The following ARHGAP15 variants were observed in gnomAD, a reference collection of about 807,000 sequenced individuals.
ARHGAP15 encodes rho GTPase-activating protein 15.
A neutral mutation model predicts 63.7 loss-of-function variants in ARHGAP15; 51 were observed. The ratio of observed to expected loss-of-function variants is 0.80; its 90% CI spans 0.64 to 1.01. The LOEUF (loss-of-function observed/expected upper bound fraction) is 1.01, where lower values mean the gene tolerates loss of function less well. Among genes scored for constraint, ARHGAP15 ranks in the 50% least tolerant of loss-of-function variants. The pLI, the probability that ARHGAP15 is intolerant of heterozygous loss-of-function variation, is 0.00. For synonymous variants in ARHGAP15, 191 were observed against 193.8 expected (o/e 0.99, Z 0.12); for missense variants, 560 against 564.6 (o/e 0.99, Z 0.08).
At chr2:143,495,157 T>G (rs1692762531) in intron 9 of ARHGAP15, among the ~76,000 whole-genome samples, 1 of 152,212 alleles carries the variant, frequency 6.6e-6, no homozygotes, top group Admixed American at 6.5e-5. Context: ...CTTTTTTGTT[T>G]CTTCCTTTCT....
intron 12 of ARHGAP15, among the ~76,000 whole-genome samples, chr2:143,675,771 T>C (rs1163926189): frequency 1.3e-5 from 2 of 152,138 alleles, no homozygotes; most frequent in Non-Finnish European, 2.9e-5. Context: ...TTAACATAAT[T>C]TGGAAGGGCC....
intron 1 of ARHGAP15, among the ~76,000 whole-genome samples, chr2:143,130,194 T>C (rs2104974448): frequency 6.6e-6 from 1 of 152,250 alleles, no homozygotes; most frequent in Admixed American, 6.5e-5. Context: ...TTATATAATT[T>C]TCCTTCTTTG....
At position 143,768,033 on chromosome 2, in the gene ARHGAP15, TG is replaced by T. The variant is rs1453567185; in HGVS notation, c.1293del (p.Ile432LeufsTer27). On this transcript the variant is annotated frameshift_variant, in exon 14 of 14. Transcript: ENST00000295095. LOFTEE classifies it high-confidence loss of function. ...AAGAACCTCATGTCCACGCAAAGCT[TG>T]GGGATTGTATTTGGACCTACCCTTC... is the stretch of plus-strand genomic sequence containing the variant. ...ASKNLMSTQS[L>X]GIVFGPTLLR... The T allele has an allele frequency of 6.2e-7, 1 of 1,613,676 alleles. No individual in the cohort carries two copies. Among genetic ancestry groups the T allele is most frequent in the Non-Finnish European group, 8.5e-7 (1 of 1,179,728 alleles).
At chr2:143,536,637 C>T (rs1416950003) in intron 10 of ARHGAP15, among the ~76,000 whole-genome samples, 1 of 150,874 alleles carries the variant, frequency 6.6e-6, no homozygotes, top group Admixed American at 6.7e-5. Flanking sequence ...GGTTTTTTGT[C>T]CTTGCAATAG....
intron 2 of ARHGAP15, among the ~76,000 whole-genome samples, chr2:143,167,952 G>T (rs527331984): frequency 1.3e-5 from 2 of 152,048 alleles, no homozygotes; most frequent in Non-Finnish European, 2.9e-5. Flanking sequence ...TCTATTGACT[G>T]GCTGTTCACA....
intron 6 of ARHGAP15, among the ~76,000 whole-genome samples, chr2:143,301,531 T>C (rs955843166): frequency 1.3e-5 from 2 of 151,984 alleles, no homozygotes; most frequent in African/African-American, 4.8e-5. Context: ...ATACACATAT[T>C]GCCACCATTG....
chr2:143,393,006 A>G (rs977413290), intron 6 of ARHGAP15, among the ~76,000 whole-genome samples: 1 of 152,176 alleles, frequency 6.6e-6, no homozygotes, highest in African/African-American at 2.4e-5. Flanking sequence ...GAGGAGAAGG[A>G]TGATTTTCAG....
chr2:143,705,217 TTC>T (rs1399832287), intron 13 of ARHGAP15, among the ~76,000 whole-genome samples: 2 of 152,178 alleles, frequency 1.3e-5, no homozygotes, highest in Non-Finnish European at 2.9e-5. Flanking sequence ...ACTCATCATT[TTC>T]TGTCTTATTT....
chr2:143,663,248 G>A (rs1401030216), intron 12 of ARHGAP15, among the ~76,000 whole-genome samples: 1 of 147,436 alleles, frequency 6.8e-6, no homozygotes, highest in African/African-American at 2.5e-5. Flanking sequence ...AGAAGAGAGT[G>A]GGGGCCAATA....
At position 143,398,243 on chromosome 2, in the gene ARHGAP15, A is replaced by G. The variant is rs190406919; in HGVS notation, c.475-37358A>G. On this transcript the variant is annotated intron_variant, in intron 6 of 13. Transcript: ENST00000295095. ...ATGTACCACCTCAGTTATGGGTTAAATGTCAATTGCCATAAACTCTAAGAG... is the reference window on the plus strand; with the variant it reads ...ATGTACCACCTCAGTTATGGGTTAAGTGTCAATTGCCATAAACTCTAAGAG... 2.0e-3 allele frequency among the ~76,000 whole-genome samples: 301 copies of G among 152,224 alleles called. 2 individuals are homozygous for G. The highest frequency in any genetic ancestry group is 7.1e-3 in the African/African-American group (295 of 41,572).
intron 3 of ARHGAP15, among the ~76,000 whole-genome samples, chr2:143,215,372 C>T (rs1303889882): frequency 1.3e-5 from 2 of 152,178 alleles, no homozygotes; most frequent in Admixed American, 6.5e-5. Context: ...TCCCACACAG[C>T]TGTGATTATA....
At chr2:143,536,978 A>C (rs917688903) in intron 10 of ARHGAP15, among the ~76,000 whole-genome samples, 1 of 152,130 alleles carries the variant, frequency 6.6e-6, no homozygotes, top group African/African-American at 2.4e-5. Flanking sequence ...GAACTAGTTT[A>C]CAGTCCCACC....
chr2:143,624,054 C>A, intron 11 of ARHGAP15, 79 bp from the exon 12 acceptor site: 1 of 1,526,828 alleles, frequency 6.5e-7, no homozygotes, highest in Non-Finnish European at 8.9e-7. Context: ...TGATAGTAGG[C>A]AAACATTAAC....
chr2:143,487,602 G>A, intron 9 of ARHGAP15, 107 bp downstream of exon 9: 1 of 1,282,646 alleles, frequency 7.8e-7, no homozygotes, highest in Non-Finnish European at 1.0e-6. Flanking sequence ...TTCTTCTTAG[G>A]TTGCTTATTA....
rs960668986 is a variant in ARHGAP15 at position 143,442,716 on chromosome 2, A to C, written c.703+5674A>C. On this transcript the variant is annotated intron_variant, in intron 8 of 13. Transcript: ENST00000295095. ...CCAAATATAAACATTTGATGAATCTAGGTGGTGCATAGGCAAGTGATCATG... is the reference window on the plus strand; with the variant it reads ...CCAAATATAAACATTTGATGAATCTCGGTGGTGCATAGGCAAGTGATCATG... 3.3e-5 allele frequency among the ~76,000 whole-genome samples: 5 copies of C among 152,316 alleles called. No individual in the cohort carries two copies. In the East Asian group the frequency reaches 9.6e-4, roughly 29 times the overall value.
chr2:143,400,886 A>T (rs894802989), intron 6 of ARHGAP15, among the ~76,000 whole-genome samples: 1 of 152,018 alleles, frequency 6.6e-6, no homozygotes, highest in Non-Finnish European at 1.5e-5. Context: ...TTTTGAGTAC[A>T]TTTCAGTGTA....
At chr2:143,440,263 A>T (rs1400084577) in intron 8 of ARHGAP15, among the ~76,000 whole-genome samples, 1 of 152,176 alleles carries the variant, frequency 6.6e-6, no homozygotes, top group East Asian at 1.9e-4. Context: ...AGTAGGAAAT[A>T]CCCTGTGTGA....
intron 6 of ARHGAP15, among the ~76,000 whole-genome samples, chr2:143,337,207 G>C (rs1219369099): frequency 1.3e-5 from 2 of 151,748 alleles, no homozygotes; most frequent in East Asian, 2.0e-4. Flanking sequence ...TGGTCCATTT[G>C]AGGACTTCCC....
intron 6 of ARHGAP15, among the ~76,000 whole-genome samples, chr2:143,253,356 A>G (rs1189169978): frequency 6.6e-6 from 1 of 152,108 alleles, no homozygotes; most frequent in Non-Finnish European, 1.5e-5. Context: ...TGTGACAACC[A>G]AAAATGGACA....
Sources: allele counts gnomAD v4.1 joint callset (sites outside exome capture counted in the v4.1 genomes callset), GRCh38; gene constraint gnomAD v4.1.1; transcripts MANE v1.5; gene names NCBI Gene and HGNC (gene_info 2026-07-23, HGNC 2026-07-21).